The following CDK6 variants were observed in gnomAD, a reference collection of about 807,000 sequenced individuals.
The protein encoded by CDK6 is cyclin dependent kinase 6.
In CDK6, 6 loss-of-function variants were observed where a neutral mutation model predicts 37.1. The ratio of observed to expected loss-of-function variants is 0.16; its 90% CI spans 0.09 to 0.32. The LOEUF (loss-of-function observed/expected upper bound fraction) is 0.32. CDK6 is among the 10% of genes least tolerant of loss of function. The pLI, the probability that CDK6 is intolerant of heterozygous loss-of-function variation, is 1.00. For missense variants in CDK6, 224 were observed against 418.9 expected (o/e 0.53, Z 4.06); for synonymous variants, 160 against 161.3 (o/e 0.99, Z 0.06).
chr7:92,802,991 G>C (rs1290775547), intron 2 of CDK6, among the ~76,000 whole-genome samples: 1 of 152,160 alleles, frequency 6.6e-6, no homozygotes, highest in African/African-American at 2.4e-5. Flanking sequence ...GGGCCAATTC[G>C]TCATTCTGCG....
intron 3 of CDK6, among the ~76,000 whole-genome samples, chr7:92,767,762 G>C (rs1176737415): frequency 6.6e-6 from 1 of 152,056 alleles, no homozygotes; most frequent in Non-Finnish European, 1.5e-5. Context: ...TGGGGGCAGA[G>C]GGGTGCAGAG....
chr7:92,737,681 T>C (rs966673681), intron 3 of CDK6, among the ~76,000 whole-genome samples: 2 of 152,246 alleles, frequency 1.3e-5, no homozygotes, highest in Non-Finnish European at 2.9e-5. Flanking sequence ...GGTTGCTTTC[T>C]CAACTTAACA....
intron 2 of CDK6, among the ~76,000 whole-genome samples, chr7:92,826,649 T>C (rs1801321892): frequency 6.6e-6 from 1 of 152,098 alleles, no homozygotes; most frequent in Admixed American, 6.5e-5. Flanking sequence ...AAGTACAATA[T>C]TGAAGATAAA....
intron 3 of CDK6, among the ~76,000 whole-genome samples, chr7:92,771,241 T>C (rs1402081857): frequency 1.7e-5 from 2 of 115,068 alleles, no homozygotes; most frequent in Non-Finnish European, 3.8e-5. Context: ...AAAAAATAAA[T>C]AAAATAAATA....
In CDK6 at chr7:92,619,656, G is replaced by A. The variant is rs1448012079; in HGVS notation, c.699-1449C>T. Among the ~76,000 whole-genome samples, 5 of 151,620 alleles carry A rather than the reference G, an allele frequency of 3.3e-5. No homozygotes were observed. In the South Asian group the frequency reaches 1.0e-3, roughly 32 times the overall value. On this transcript the variant is annotated intron_variant, in intron 6 of 7. Transcript: ENST00000424848. The stretch of plus-strand genomic sequence containing the variant: ...TCATTTCCCCTTCCCTCACCTACAC[G>A]GAGCCCAGGCCATAGACTTCAGCTG...
At chr7:92,634,990 A>G (rs1796136524) in intron 5 of CDK6, among the ~76,000 whole-genome samples, 1 of 152,164 alleles carries the variant, frequency 6.6e-6, no homozygotes, top group African/African-American at 2.4e-5. Context: ...ACCTCCCAGG[A>G]GGGCTCTAAA....
chr7:92,753,777 T>A (rs1244571152), intron 3 of CDK6, among the ~76,000 whole-genome samples: 2 of 152,196 alleles, frequency 1.3e-5, no homozygotes, highest in African/African-American at 4.8e-5. Context: ...CGTTTCTACC[T>A]CAGATTTGTG....
At chr7:92,795,744 C>T (rs1350932222) in intron 2 of CDK6, among the ~76,000 whole-genome samples, 2 of 152,140 alleles carry the variant, frequency 1.3e-5, no homozygotes, top group African/African-American at 4.8e-5. Context: ...AAATGTCCTT[C>T]AAAGATTTTA....
intron 4 of CDK6, among the ~76,000 whole-genome samples, chr7:92,716,836 T>C (rs1325464448): frequency 2.0e-5 from 3 of 152,212 alleles, no homozygotes; most frequent in Non-Finnish European, 4.4e-5. Flanking sequence ...AATAGAACTC[T>C]TCAGAGAAGC....
intron 2 of CDK6, among the ~76,000 whole-genome samples, chr7:92,783,312 T>G (rs1442507251): frequency 6.6e-6 from 1 of 152,200 alleles, no homozygotes; most frequent in Non-Finnish European, 1.5e-5. Flanking sequence ...AGGTGTGTTC[T>G]CCTGAAGCCT....
At chr7:92,717,470 A>AAAAG (rs753747051) in intron 4 of CDK6, among the ~76,000 whole-genome samples, 13 of 151,920 alleles carry the variant, frequency 8.6e-5, no homozygotes, top group South Asian at 6.2e-4. Context: ...GAAAGAAAGA[A>AAAAG]AAAGAAAGAA....
Position 92,606,066 on chromosome 7 carries a change from C to G in CDK6, c.*9074G>C, listed in dbSNP as rs1039492683. On this transcript the variant is annotated 3_prime_UTR_variant, in exon 8 of 8. Transcript: ENST00000424848. The stretch of plus-strand genomic sequence containing the variant: ...AGAATAATTATGCACCTTTAAGGAA[C>G]ATGCACCCTTATAAGTCTGTACCCT... 2 of 233,524 alleles carry G rather than the reference C, an allele frequency of 8.6e-6. No individual in the cohort carries two copies. Among genetic ancestry groups the G allele is most frequent in the African/African-American group, 4.4e-5 (2 of 45,338 alleles). 14.5% of individuals were successfully genotyped at this position (233,524 alleles called of 1,614,324 possible).
chr7:92,755,793 A>T (rs764418668), intron 3 of CDK6, among the ~76,000 whole-genome samples: 20 of 152,156 alleles, frequency 1.3e-4, no homozygotes, highest in Non-Finnish European at 2.2e-4. Context: ...ATCTCCAAGG[A>T]GTCTTTTCCA....
At chr7:92,822,765 C>A (rs1472192899) in intron 2 of CDK6, among the ~76,000 whole-genome samples, 1 of 152,004 alleles carries the variant, frequency 6.6e-6, no homozygotes, top group Non-Finnish European at 1.5e-5. Context: ...TTTATTTTTG[C>A]AGAATTGTAA....
rs938759121 is a variant in CDK6 at position 92,605,185 on chromosome 7, C to T, written c.*9955G>A. 1 of 233,006 alleles carries T rather than the reference C, an allele frequency of 4.3e-6. No individual in the cohort carries two copies. The highest frequency in any genetic ancestry group is 8.5e-6 in the Non-Finnish European group (1 of 117,814). 14.4% of individuals were successfully genotyped at this position (233,006 alleles called of 1,614,324 possible). On this transcript the variant is annotated 3_prime_UTR_variant, in exon 8 of 8. Transcript: ENST00000424848. ...CACATTGGACAGTGATATTTCAACA[C>T]CAATTTTGAAAAAAACAATGAACTT...
intron 2 of CDK6, among the ~76,000 whole-genome samples, chr7:92,815,741 T>C (rs1396500045): frequency 6.6e-6 from 1 of 152,116 alleles, no homozygotes; most frequent in African/African-American, 2.4e-5. Flanking sequence ...GACACAATAC[T>C]GAAGAAGAGC....
At chr7:92,681,488 C>T (rs778548700) in intron 4 of CDK6, among the ~76,000 whole-genome samples, 2 of 152,186 alleles carry the variant, frequency 1.3e-5, no homozygotes, top group Non-Finnish European at 2.9e-5. Context: ...TATGTCTAAG[C>T]AGATCTACCT....
At chr7:92,629,503 C>A (rs184901116) in intron 5 of CDK6, among the ~76,000 whole-genome samples, 1 of 152,172 alleles carries the variant, frequency 6.6e-6, no homozygotes, top group East Asian at 1.9e-4. Flanking sequence ...CACCAAACTA[C>A]TTCAGATTTC....
intron 4 of CDK6, among the ~76,000 whole-genome samples, chr7:92,716,420 G>A (rs184299523): frequency 7.2e-5 from 11 of 152,302 alleles, no homozygotes; most frequent in South Asian, 2.1e-4. Flanking sequence ...CTGGAGAATC[G>A]TAAGGATTCA....
Sources: gnomAD v4.1 joint callset for allele counts (sites outside exome capture counted in the v4.1 genomes callset) on GRCh38, gnomAD v4.1.1 for gene constraint, MANE v1.5 for transcripts, NCBI Gene and HGNC (gene_info 2026-07-23, HGNC 2026-07-21) for gene names.